The following CDH9 variants were observed in gnomAD, a reference collection of about 807,000 sequenced individuals.
CDH9 encodes the protein cadherin 9, also known as cadherin-9.
A neutral mutation model predicts 70.9 loss-of-function variants in CDH9; 28 were observed. The observed-to-expected ratio is 0.40, with a 90% CI of 0.29 to 0.54. The LOEUF is 0.54. Ranked by LOEUF, CDH9 falls within the 20% of genes least tolerant of loss-of-function variation. The pLI is 0.59. For synonymous variants in CDH9, 409 were observed against 343.1 expected, an observed-to-expected ratio of 1.19 and a Z score of -2.12; for missense variants, 874 against 984.4, an observed-to-expected ratio of 0.89 and a Z score of 1.50.
intron 1 of CDH9, among the ~76,000 whole-genome samples, chr5:27,002,940 A>T (rs1416727912): frequency 6.6e-6 from 1 of 152,068 alleles, no homozygotes; most frequent in African/African-American, 2.4e-5. Context: ...AAAATAAAAA[A>T]TAAATAAGTA....
chr5:27,011,493 C>T (rs1350108650), intron 1 of CDH9, among the ~76,000 whole-genome samples: 1 of 152,122 alleles, frequency 6.6e-6, no homozygotes, highest in East Asian at 1.9e-4. Flanking sequence ...AAGAAAGATG[C>T]TACAATCTTT....
At position 26,915,648 on chromosome 5, in the gene CDH9, G is replaced by A. The variant is rs1276119336; in HGVS notation, c.505C>T (p.Pro169Ser). The A allele has an allele frequency of 1.3e-6, 2 of 1,594,536 alleles. No individual in the cohort carries two copies. The change falls in exon 3 of 12, where the codon CCT becomes TCT. Residue 169 changes from proline (P) to serine (S), a missense_variant. Coordinates refer to ENST00000231021, the MANE Select transcript of CDH9 (RefSeq NM_016279.4). Reference sequence around the variant, plus strand: ...TACCTACCGACTCCAGACATTTCAGGAACACTGGCAGTGTATAAGTCTTTT... The same window carrying A: ...TACCTACCGACTCCAGACATTTCAGAAACACTGGCAGTGTATAAGTCTTTT... ...FTKDLYTASV[P>S]EMSGVGTSVI...
chr5:26,961,277 C>T lies in CDH9; in HGVS notation c.228+26829G>A, dbSNP rs926658749. On this transcript the variant is annotated intron_variant, in intron 2 of 11. Transcript: ENST00000231021. ...TTGTGAAGAAAACACTCAGAATCTA[C>T]TCTTTCAGCAATTTTTAAGTATGCA... is the stretch of plus-strand genomic sequence containing the variant. Among the ~76,000 whole-genome samples, 3 of 152,126 alleles carry T rather than the reference C, an allele frequency of 2.0e-5. No homozygotes were observed. The East Asian group carries it at 5.8e-4, about 29-fold the overall frequency.
intron 2 of CDH9, among the ~76,000 whole-genome samples, chr5:26,973,941 A>G (rs994129666): frequency 7.2e-5 from 11 of 152,096 alleles, no homozygotes; most frequent in African/African-American, 2.2e-4. Flanking sequence ...TCATTTATTC[A>G]TGTTAAGAAA....
intron 1 of CDH9, among the ~76,000 whole-genome samples, chr5:27,001,836 A>ACTCTCTCTCTCTCTCT (rs1422833082): frequency 3.0e-4 from 37 of 124,780 alleles, no homozygotes; most frequent in African/African-American, 1.3e-3. Context: ...ACATACACAC[A>ACTCTCTCTCTCTCTCT]CACACACACT....
At chr5:26,901,023 A>G (rs897951918) in intron 7 of CDH9, among the ~76,000 whole-genome samples, 3 of 152,036 alleles carry the variant, frequency 2.0e-5, no homozygotes, top group African/African-American at 7.2e-5. Context: ...ACACAAATCT[A>G]CATTGCTTTG....
intron 1 of CDH9, among the ~76,000 whole-genome samples, chr5:27,027,210 A>G (rs769403921): frequency 6.6e-6 from 1 of 152,060 alleles, no homozygotes; most frequent in African/African-American, 2.4e-5. Flanking sequence ...ATTCTATATT[A>G]ATTTCAAGTA....
At chr5:27,003,951 G>A (rs2112108561) in intron 1 of CDH9, among the ~76,000 whole-genome samples, 2 of 151,930 alleles carry the variant, frequency 1.3e-5, no homozygotes, top group Middle Eastern at 6.8e-3. Context: ...TGGTTGAAAG[G>A]TATATTGAAA....
At chr5:27,022,017 T>C (rs142332310) in intron 1 of CDH9, among the ~76,000 whole-genome samples, 2 of 152,128 alleles carry the variant, frequency 1.3e-5, no homozygotes, top group East Asian at 3.9e-4. Context: ...ACAGAGGGTG[T>C]TGCTCTTTTG....
At chr5:26,980,006 T>C (rs947973525) in intron 2 of CDH9, among the ~76,000 whole-genome samples, 12 of 151,848 alleles carry the variant, frequency 7.9e-5, no homozygotes, top group Non-Finnish European at 1.8e-4. Flanking sequence ...TGAACACCAT[T>C]GTTAAATTTT....
intron 7 of CDH9, among the ~76,000 whole-genome samples, chr5:26,901,570 C>T (rs1176902691): frequency 6.6e-6 from 1 of 151,714 alleles, no homozygotes; most frequent in Non-Finnish European, 1.5e-5. Flanking sequence ...AGAATTTAAC[C>T]ATTTTCCCTA....
chr5:26,975,803 C>G (rs1268553611), intron 2 of CDH9, among the ~76,000 whole-genome samples: 2 of 152,186 alleles, frequency 1.3e-5, no homozygotes, highest in Non-Finnish European at 2.9e-5. Context: ...CATAACCAGG[C>G]TTTCCCTCTG....
chr5:26,913,065 A>T (rs554737381), intron 3 of CDH9, among the ~76,000 whole-genome samples: 13 of 152,248 alleles, frequency 8.5e-5, no homozygotes, highest in African/African-American at 2.9e-4. Flanking sequence ...CTGTAATTCC[A>T]TTAAATCTCC....
chr5:26,897,205 G>T (rs1740767778), intron 7 of CDH9, among the ~76,000 whole-genome samples: 1 of 151,812 alleles, frequency 6.6e-6, no homozygotes, highest in African/African-American at 2.4e-5. Context: ...AAAAGCCCAA[G>T]AACAGACGGA....
intron 7 of CDH9, among the ~76,000 whole-genome samples, chr5:26,894,395 C>T (rs1740711541): frequency 6.6e-6 from 1 of 151,978 alleles, no homozygotes; most frequent in African/African-American, 2.4e-5. Context: ...TTTTCAGGAT[C>T]AAAATAGATT....
intron 2 of CDH9, among the ~76,000 whole-genome samples, chr5:26,983,957 G>A (rs1173538684): frequency 6.6e-6 from 1 of 152,040 alleles, no homozygotes; most frequent in East Asian, 1.9e-4. Flanking sequence ...ACTAGCATAT[G>A]TAAACGTGAA....
At chr5:26,985,071 G>C (rs1180142508) in intron 2 of CDH9, among the ~76,000 whole-genome samples, 1 of 152,000 alleles carries the variant, frequency 6.6e-6, no homozygotes, top group Non-Finnish European at 1.5e-5. Context: ...TTTGTACAAA[G>C]GCTTTTAACA....
rs142859178 is a variant in CDH9 at position 27,026,036 on chromosome 5, T to A, written c.-50+12427A>T. ...ACACTCACAGTTAAAATTTTAATAC[T>A]TTATAGTAGCTGCTTGAACTCTCTG... is the stretch of plus-strand genomic sequence containing the variant. On this transcript the variant is annotated intron_variant, in intron 1 of 11. Coordinates refer to ENST00000231021, the MANE Select transcript of CDH9 (RefSeq NM_016279.4). Among the ~76,000 whole-genome samples the A allele has an allele frequency of 8.1e-4, 123 of 152,112 alleles. 1 individual carries two copies. Among genetic ancestry groups the A allele is most frequent in the African/African-American group, 2.8e-3 (118 of 41,566 alleles).
At chr5:26,908,090 A>C (rs1395949498) in intron 3 of CDH9, among the ~76,000 whole-genome samples, 1 of 152,288 alleles carries the variant, frequency 6.6e-6, no homozygotes, top group South Asian at 2.1e-4. Context: ...TGTTTTCTCA[A>C]AATTAATTAG....
Sources: gnomAD v4.1 joint callset for allele counts (sites outside exome capture counted in the v4.1 genomes callset) on GRCh38, gnomAD v4.1.1 for gene constraint, MANE v1.5 for transcripts, NCBI Gene and HGNC (gene_info 2026-07-23, HGNC 2026-07-21) for gene names.